Variants in CEP162 observed in about 807,000 individuals in gnomAD.
CEP162 encodes centrosomal protein of 162 kDa.
CEP162 carries 141 observed loss-of-function variants against 169.2 expected under a neutral mutation model. The observed-to-expected ratio is 0.83, with a 90% CI of 0.73 to 0.96. The LOEUF is 0.96. CEP162 is among the 40% of genes least tolerant of loss of function. The probability of loss-of-function intolerance (pLI) is 0.00; values close to 1 mark genes in which losing one functional copy is unlikely to be tolerated. For missense variants in CEP162, 1,600 were observed against 1,587.2 expected (o/e 1.01, Z -0.14); for synonymous variants, 540 against 526.4 (o/e 1.03, Z -0.35).
In CEP162 at chr6:84,126,315, T is replaced by C. The variant is rs533648781; in HGVS notation, c.4005+63A>G. On this transcript the variant is annotated intron_variant, in intron 26 of 26. Transcript: ENST00000403245. ...ATTTTTGCTAGGGATGACAAAACTA[T>C]AGCAAATTAAAGGCACTTAAAAGTA... 8.0e-6 allele frequency: 10 copies of C among 1,254,294 alleles called. No individual in the cohort carries two copies. In the African/African-American group the frequency reaches 1.5e-4, roughly 19 times the overall value. 77.7% of individuals were successfully genotyped at this position (1,254,294 alleles called of 1,614,324 possible).
At chr6:84,204,872 T>C (rs1374270994) in intron 6 of CEP162, among the ~76,000 whole-genome samples, 1 of 151,736 alleles carries the variant, frequency 6.6e-6, no homozygotes, top group African/African-American at 2.4e-5. Context: ...ACAGATGCAA[T>C]AAAAAATGGT....
At chr6:84,198,192 C>T (rs2099542945) in intron 9 of CEP162, among the ~76,000 whole-genome samples, 1 of 152,114 alleles carries the variant, frequency 6.6e-6, no homozygotes, top group Non-Finnish European at 1.5e-5. Context: ...TAAAACAAAA[C>T]AAAAACCCCA....
At chr6:84,173,409 A>C (rs1327329144) in intron 16 of CEP162, among the ~76,000 whole-genome samples, 1 of 152,218 alleles carries the variant, frequency 6.6e-6, no homozygotes, top group Admixed American at 6.5e-5. Context: ...ATCATAAATT[A>C]AAACTTTGTT....
At chr6:84,150,898 C>G (rs944378243) in intron 23 of CEP162, among the ~76,000 whole-genome samples, 39 of 152,124 alleles carry the variant, frequency 2.6e-4, no homozygotes, top group African/African-American at 8.7e-4. Flanking sequence ...CCTCCTACAG[C>G]ACATTGCTGT....
chr6:84,212,074 A>G (rs1422645367), intron 6 of CEP162, among the ~76,000 whole-genome samples: 1 of 152,162 alleles, frequency 6.6e-6, no homozygotes, highest in Non-Finnish European at 1.5e-5. Flanking sequence ...TGTATCAAGT[A>G]AAAGTATTCC....
At chr6:84,175,424 T>A in intron 13 of CEP162, 77 bp from the exon 14 acceptor site, 1 of 1,041,306 alleles carries the variant, frequency 9.6e-7, no homozygotes, top group Non-Finnish European at 1.4e-6. Flanking sequence ...GTCCAATAAC[T>A]AAAAATACAA....
intron 18 of CEP162, among the ~76,000 whole-genome samples, chr6:84,165,307 A>T (rs569248856): frequency 6.6e-6 from 1 of 152,200 alleles, no homozygotes; most frequent in South Asian, 2.1e-4. Flanking sequence ...TAAATGCATA[A>T]AAAATGCTTG....
intron 17 of CEP162, 44 bp from the exon 18 acceptor site, chr6:84,169,477 G>A: frequency 8.8e-7 from 1 of 1,140,614 alleles, no homozygotes; most frequent in South Asian, 1.6e-5. Context: ...TTTCTTACCA[G>A]GTGCTCCTTT....
rs769642549 is a variant in CEP162 at position 84,149,716 on chromosome 6, T to G, written c.3630-13A>C. On this transcript the variant is annotated splice_polypyrimidine_tract_variant and intron_variant, in intron 23 of 26. Transcript: ENST00000403245. ...ATCTTCCTTGACCCTACAGAGCAAA[T>G]GAAAGAAAACCACACATAAAAGTGG... 1 of 1,473,430 alleles carries G rather than the reference T, an allele frequency of 6.8e-7. No homozygotes were observed. Among genetic ancestry groups the G allele is most frequent in the Non-Finnish European group, 9.0e-7 (1 of 1,108,322 alleles). 91.3% of individuals were successfully genotyped at this position (1,473,430 alleles called of 1,614,324 possible).
At chr6:84,130,180 AC>A (rs2099510723) in intron 25 of CEP162, among the ~76,000 whole-genome samples, 1 of 152,154 alleles carries the variant, frequency 6.6e-6, no homozygotes, top group African/African-American at 2.4e-5. Context: ...CGTATGGTGA[AC>A]CAGACTTGCA....
intron 13 of CEP162, among the ~76,000 whole-genome samples, chr6:84,182,738 G>C (rs944686088): frequency 2.6e-5 from 4 of 152,124 alleles, no homozygotes; most frequent in Non-Finnish European, 5.9e-5. Context: ...TTTTGCATCA[G>C]GAAAGACAAA....
In CEP162 at chr6:84,224,355, G is replaced by A. The variant is rs139623211; in HGVS notation, c.57+1982C>T. 3.5e-3 allele frequency among the ~76,000 whole-genome samples: 526 copies of A among 152,310 alleles called. 3 individuals are homozygous for A. Among genetic ancestry groups the A allele is most frequent in the African/African-American group, 0.012 (484 of 41,562 alleles). ...AACAGGCAAACATTTAGAGACAGAA[G>A]TCAGCTTAGTAGTTGCCTAAGGCTA... On this transcript the variant is annotated intron_variant, in intron 2 of 26. Coordinates refer to ENST00000403245, the MANE Select transcript of CEP162 (RefSeq NM_014895.4).
At chr6:84,189,074 A>C (rs1388110311) in intron 11 of CEP162, among the ~76,000 whole-genome samples, 1 of 150,720 alleles carries the variant, frequency 6.6e-6, no homozygotes, top group Admixed American at 6.6e-5. Context: ...TTTTTTTGAG[A>C]TGGAGTCTCG....
chr6:84,169,501 T>C, intron 17 of CEP162, 68 bp from the exon 18 acceptor site: 2 of 899,346 alleles, frequency 2.2e-6, no homozygotes, highest in Non-Finnish European at 3.3e-6. Context: ...TAGAAAATAT[T>C]CAATTCTTAA....
chr6:84,178,261 T>C (rs148049498), intron 13 of CEP162, among the ~76,000 whole-genome samples: 128 of 152,304 alleles, frequency 8.4e-4, no homozygotes, highest in African/African-American at 2.7e-3. Context: ...GATAATGGTA[T>C]GGTGTTTTTT....
At chr6:84,151,596 G>A (rs73750526) in intron 23 of CEP162, among the ~76,000 whole-genome samples, 6,771 of 152,176 alleles carry the variant, frequency 0.044, 474 homozygotes, top group African/African-American at 0.15. Flanking sequence ...CACAGAAACC[G>A]TAAGAATGGG....
At chr6:84,215,551 G>T in intron 4 of CEP162, 86 bp from the exon 5 acceptor site, 1 of 1,238,784 alleles carries the variant, frequency 8.1e-7, no homozygotes, top group Non-Finnish European at 1.1e-6. Flanking sequence ...ACATTATGTA[G>T]TAAATTTTAA....
intron 13 of CEP162, among the ~76,000 whole-genome samples, chr6:84,184,475 T>C (rs2099536250): frequency 6.6e-6 from 1 of 152,124 alleles, no homozygotes; most frequent in South Asian, 2.1e-4. Flanking sequence ...ATTGATCATC[T>C]CCTCCTTGCT....
At chr6:84,143,354 T>C (rs1002748907) in intron 25 of CEP162, among the ~76,000 whole-genome samples, 2 of 152,018 alleles carry the variant, frequency 1.3e-5, no homozygotes, top group African/African-American at 2.4e-5. Context: ...GGCTGCTTTG[T>C]AGTTTTCATA....
Sources: allele counts gnomAD v4.1 joint callset (sites outside exome capture counted in the v4.1 genomes callset), GRCh38; gene constraint gnomAD v4.1.1; transcripts MANE v1.5; gene names NCBI Gene and HGNC (gene_info 2026-07-23, HGNC 2026-07-21).